Variants in TENM3 observed in about 807,000 individuals in gnomAD.
The protein encoded by TENM3 is teneurin-3.
A neutral mutation model predicts 255.1 loss-of-function variants in TENM3; 63 were observed. The ratio of observed to expected loss-of-function variants is 0.25; its 90% CI spans 0.20 to 0.30. TENM3 has a LOEUF of 0.30. Among genes scored for constraint, TENM3 ranks in the 10% least tolerant of loss-of-function variants. TENM3 has a pLI of 1.00. For synonymous variants in TENM3, 1,306 were observed against 1,322.3 expected (o/e 0.99, Z 0.27); for missense variants, 2,929 against 3,461.1 (o/e 0.85, Z 3.86).
intron 3 of TENM3, among the ~76,000 whole-genome samples, chr4:182,561,378 A>G (rs115578036): frequency 0.035 from 5,260 of 151,858 alleles, 112 homozygotes; most frequent in Middle Eastern, 0.068. Context: ...TGCTCATGTT[A>G]GTGATACAAG....
At chr4:182,389,890 T>C (rs1768303544) in intron 3 of TENM3, among the ~76,000 whole-genome samples, 1 of 152,122 alleles carries the variant, frequency 6.6e-6, no homozygotes. Context: ...TTTCACCATG[T>C]TGGCCAGGAT....
At chr4:182,230,550 C>T (rs1756491321) in intron 1 of TENM3, among the ~76,000 whole-genome samples, 1 of 151,876 alleles carries the variant, frequency 6.6e-6, no homozygotes, top group South Asian at 2.1e-4. Flanking sequence ...ACAGTCACTG[C>T]TGTCACAGCG....
intron 3 of TENM3, among the ~76,000 whole-genome samples, chr4:182,410,400 G>A (rs1769904134): frequency 1.3e-5 from 2 of 152,206 alleles, no homozygotes; most frequent in Non-Finnish European, 2.9e-5. Flanking sequence ...CATGGCCCAC[G>A]CAGAGCAGGG....
chr4:182,676,910 C>T (rs1005768046), intron 7 of TENM3, among the ~76,000 whole-genome samples: 2 of 152,018 alleles, frequency 1.3e-5, no homozygotes, highest in Non-Finnish European at 2.9e-5. Flanking sequence ...CTTTGTCTCA[C>T]GATGGCTCCC....
the TENM3 span, among the ~76,000 whole-genome samples, chr4:181,780,197 T>C: frequency 3.9e-5 from 6 of 152,332 alleles, no homozygotes; most frequent in African/African-American, 7.2e-5. Context: ...TTCTAGATCC[T>C]TGAGAAATTG....
At chr4:181,972,337 C>T in the TENM3 span, among the ~76,000 whole-genome samples, 14 of 150,046 alleles carry the variant, frequency 9.3e-5, no homozygotes, top group South Asian at 2.7e-3. Flanking sequence ...GAGGATTACT[C>T]GAGCCAGAGA....
chr4:181,937,761 C>A, the TENM3 span, among the ~76,000 whole-genome samples: 1 of 152,182 alleles, frequency 6.6e-6, no homozygotes, highest in Non-Finnish European at 1.5e-5. Flanking sequence ...TATGTGAACT[C>A]TGATGAATGC....
chr4:181,655,373 A>T, the TENM3 span, among the ~76,000 whole-genome samples: 1 of 152,192 alleles, frequency 6.6e-6, no homozygotes, highest in African/African-American at 2.4e-5. Context: ...AGGAGAGAAG[A>T]TCATTAGCAG....
At position 182,680,579 on chromosome 4, in the gene TENM3, A is replaced by G. The variant is rs1579095565; in HGVS notation, c.1676A>G (p.Tyr559Cys). 1 of 1,613,520 alleles carries G rather than the reference A, an allele frequency of 6.2e-7. No homozygotes were observed. The highest frequency in any genetic ancestry group is 8.5e-7 in the Non-Finnish European group (1 of 1,179,802). The change falls in exon 10 of 28, where the codon TAC becomes TGC. Residue 559 changes from tyrosine (Y) to cysteine (C), a missense_variant. Physicochemically the swap from Tyr to Cys is radical, Grantham distance 194. Coordinates refer to ENST00000511685, the MANE Select transcript of TENM3 (RefSeq NM_001080477.4). The part of the protein sequence containing the change: ...CPVLCSGNGQ[Y>C]SKGRCLCFSG... Reference sequence around the variant, plus strand: ...GTGTTATGTAGTGGCAACGGGCAGTACTCCAAGGGCCGCTGCCTGTGTTTC... The same window carrying G: ...GTGTTATGTAGTGGCAACGGGCAGTGCTCCAAGGGCCGCTGCCTGTGTTTC...
At chr4:182,285,279 G>C (rs1394085199) in intron 1 of TENM3, among the ~76,000 whole-genome samples, 3 of 151,996 alleles carry the variant, frequency 2.0e-5, no homozygotes, top group Non-Finnish European at 1.5e-5. Flanking sequence ...GCAGTTTGGT[G>C]AGCATGCTAG....
chr4:182,348,626 A>C (rs775052807), intron 3 of TENM3, among the ~76,000 whole-genome samples: 121 of 152,320 alleles, frequency 7.9e-4, no homozygotes, highest in African/African-American at 2.8e-3. Flanking sequence ...GTCAGTGTGC[A>C]CTTTCCAAAC....
the TENM3 span, among the ~76,000 whole-genome samples, chr4:181,622,113 A>G: frequency 6.6e-6 from 1 of 152,148 alleles, no homozygotes; most frequent in Non-Finnish European, 1.5e-5. Flanking sequence ...TGTCTGATGG[A>G]CTTTTCCAAG....
the TENM3 span, among the ~76,000 whole-genome samples, chr4:181,936,206 A>G: frequency 6.6e-6 from 1 of 152,076 alleles, no homozygotes; most frequent in Non-Finnish European, 1.5e-5. Flanking sequence ...AGCCTGACCA[A>G]TGTGGTGAAA....
intron 22 of TENM3, among the ~76,000 whole-genome samples, chr4:182,762,006 C>A (rs1487237486): frequency 1.3e-5 from 2 of 152,140 alleles, no homozygotes; most frequent in Non-Finnish European, 2.9e-5. Context: ...TTGATCTATT[C>A]CAATTACCTT....
rs188768440 is a variant in TENM3 at position 182,737,648 on chromosome 4, A to G, written c.3235+573A>G. The stretch of plus-strand genomic sequence containing the variant: ...TGAGAGACAGACAGAGAGAAAGAGA[A>G]TAGGTATATAGTATAGCTTCAAGCT... On this transcript the variant is annotated intron_variant, in intron 17 of 27. Coordinates refer to ENST00000511685, the MANE Select transcript of TENM3 (RefSeq NM_001080477.4). Among the ~76,000 whole-genome samples the G allele has an allele frequency of 2.0e-5, 3 of 152,338 alleles. No homozygotes were observed. In the East Asian group the frequency reaches 5.8e-4, roughly 29 times the overall value.
the TENM3 span, among the ~76,000 whole-genome samples, chr4:181,764,854 C>T: frequency 6.6e-6 from 1 of 152,012 alleles, no homozygotes; most frequent in Non-Finnish European, 1.5e-5. Context: ...CCAAGCCCGA[C>T]TAATTTTTAT....
At chr4:181,604,181 C>A in the TENM3 span, among the ~76,000 whole-genome samples, 6 of 152,104 alleles carry the variant, frequency 3.9e-5, no homozygotes, top group Middle Eastern at 3.4e-3. Context: ...AGGAGAATGG[C>A]GTGAACCCGG....
At chr4:182,375,545 T>C (rs1354685022) in intron 3 of TENM3, among the ~76,000 whole-genome samples, 1 of 152,156 alleles carries the variant, frequency 6.6e-6, no homozygotes, top group Non-Finnish European at 1.5e-5. Context: ...TTTTTATTTT[T>C]ATTTTTTTAT....
intron 12 of TENM3, among the ~76,000 whole-genome samples, chr4:182,703,089 T>A (rs1049070342): frequency 1.1e-4 from 16 of 152,236 alleles, no homozygotes; most frequent in Non-Finnish European, 4.4e-5. Context: ...GAATTATTTT[T>A]CAATTGTTCT....
Sources: allele counts gnomAD v4.1 joint callset (sites outside exome capture counted in the v4.1 genomes callset), GRCh38; gene constraint gnomAD v4.1.1; transcripts MANE v1.5; gene names NCBI Gene and HGNC (gene_info 2026-07-23, HGNC 2026-07-21).